The following S100A13 variants were observed in gnomAD, a reference collection of about 807,000 sequenced individuals.
The protein encoded by S100A13 is S100 calcium binding protein A13, also known as protein S100-A13.
S100A13 carries 6 observed loss-of-function variants against 8.2 expected under a neutral mutation model. The ratio of observed to expected loss-of-function variants is 0.73; its 90% confidence interval spans 0.40 to 1.44. The LOEUF is 1.44. Among genes scored for constraint, S100A13 ranks in the 40% most tolerant of loss-of-function variants. The pLI is 0.02. For synonymous variants in S100A13, 39 were observed against 45.9 expected, an observed-to-expected ratio of 0.85 and a Z score of 0.61; for missense variants, 114 against 113.6, an observed-to-expected ratio of 1.00 and a Z score of -0.02.
chr1:153,619,783 C>G (rs553088160), intron 2 of S100A13, among the ~76,000 whole-genome samples: 1 of 152,106 alleles, frequency 6.6e-6, no homozygotes, highest in Non-Finnish European at 1.5e-5. Flanking sequence ...AGGTTTGAAC[C>G]AACATTTGGA....
chr1:153,631,304 A>G (rs531217036), upstream of S100A13: 231 of 708,112 alleles, frequency 3.3e-4, 1 homozygote, highest in East Asian at 6.2e-3. Context: ...CAGCCCTGCT[A>G]CTTTCTAGCT....
Position 153,626,414 on chromosome 1 carries a change from A to G in S100A13, c.59T>C (p.Phe20Ser). 6.2e-7 allele frequency: 1 copy of G among 1,614,198 alleles called. No homozygotes were observed. Among genetic ancestry groups the G allele is most frequent in the Middle Eastern group, 1.6e-4 (1 of 6,062 alleles). The change falls in exon 2 of 3, where the codon TTC (phenylalanine) becomes TCC (serine). Residue 20 changes from phenylalanine to serine, a missense_variant. Phe to Ser is a radical substitution (Grantham distance 155). Coordinates refer to ENST00000476133, the MANE Select transcript of S100A13 (RefSeq NM_001024211.2). ...GCCCTCCTGCCTTGCAAAGGTGAAG[A>G]AGGTGGTGACCACGGTCTCAATGGA... Reference protein sequence around the residue: ...EESIETVVTTFFTFARQEGRK... With the variant: ...EESIETVVTTSFTFARQEGRK...
At chr1:153,632,245 A>G (rs1001120163), upstream of S100A13, 3 of 161,528 alleles carry the variant, frequency 1.9e-5, no homozygotes, top group African/African-American at 4.8e-5. Flanking sequence ...TCTCAACTAT[A>G]AAACCAGAGG....
upstream of S100A13, chr1:153,628,271 GA>G: frequency 1.3e-6 from 2 of 1,523,506 alleles, no homozygotes; most frequent in Non-Finnish European, 1.8e-6. Context: ...GCAAGGCTGG[GA>G]AAGAGACAAG....
chr1:153,621,858 G>A (rs1183282829), intron 2 of S100A13, among the ~76,000 whole-genome samples: 2 of 149,324 alleles, frequency 1.3e-5, no homozygotes, highest in Non-Finnish European at 3.0e-5. Context: ...GTGAGACCTC[G>A]TCTCAAAAAA....
upstream of S100A13, chr1:153,631,444 T>C (rs553900694): frequency 1.3e-6 from 2 of 1,559,542 alleles, no homozygotes; most frequent in Non-Finnish European, 1.7e-6. Context: ...AAGCTCCTAG[T>C]GTAGTGCTTG....
upstream of S100A13, chr1:153,632,274 T>G (rs1668062419): frequency 6.9e-6 from 1 of 144,640 alleles, no homozygotes; most frequent in East Asian, 2.0e-4. Context: ...ATCTTTTTTT[T>G]TTTTTTTTTT....
chr1:153,631,851 C>A, upstream of S100A13: 1 of 1,612,792 alleles, frequency 6.2e-7, no homozygotes, highest in Non-Finnish European at 8.5e-7. Flanking sequence ...AGCAGACAGC[C>A]ACATTGGGCA....
chr1:153,622,778 C>T (rs537831969), intron 2 of S100A13, among the ~76,000 whole-genome samples: 76 of 152,344 alleles, frequency 5.0e-4, no homozygotes, highest in African/African-American at 1.7e-3. Context: ...GGGTCCAGTC[C>T]TGTCTTGGGG....
chr1:153,628,633 G>A, upstream of S100A13: 1 of 1,397,640 alleles, frequency 7.2e-7, no homozygotes. Context: ...CAGGGTGAGG[G>A]CAGTTTGGGA....
upstream of S100A13, chr1:153,631,440 C>CTAG: frequency 6.4e-7 from 1 of 1,553,652 alleles, no homozygotes; most frequent in South Asian, 1.2e-5. Context: ...TGTAAAGCTC[C>CTAG]TAGTGTAGTG....
At chr1:153,632,040 T>C (rs1668045757), upstream of S100A13, 4 of 601,404 alleles carry the variant, frequency 6.7e-6, no homozygotes, top group East Asian at 8.6e-5. Flanking sequence ...TCACCAGCCA[T>C]CCGATGTCTG....
At chr1:153,628,311 G>C, upstream of S100A13, 1 of 1,512,034 alleles carries the variant, frequency 6.6e-7, no homozygotes, top group Non-Finnish European at 8.9e-7. Context: ...AGGAGACAGA[G>C]GGCGCCTCTG....
chr1:153,631,497 T>C, upstream of S100A13: 1 of 1,610,078 alleles, frequency 6.2e-7, no homozygotes, highest in Non-Finnish European at 8.5e-7. Flanking sequence ...GTGTCATTAT[T>C]ATTCATTCTG....
intron 2 of S100A13, among the ~76,000 whole-genome samples, chr1:153,624,361 T>C (rs747847265): frequency 6.6e-6 from 1 of 151,662 alleles, no homozygotes. Context: ...GAAGCAGTGA[T>C]GAGAAGAAAA....
chr1:153,624,054 G>A (rs1320150757), intron 2 of S100A13, among the ~76,000 whole-genome samples: 1 of 152,132 alleles, frequency 6.6e-6, no homozygotes, highest in Non-Finnish European at 1.5e-5. Context: ...AAAGTGAGAG[G>A]GTCGAGAGAC....
intron 2 of S100A13, among the ~76,000 whole-genome samples, chr1:153,625,111 G>A (rs531107986): frequency 3.3e-5 from 5 of 152,244 alleles, no homozygotes; most frequent in East Asian, 1.9e-4. Context: ...TGTGGCATGC[G>A]CCTGTGGTCC....
intron 2 of S100A13, among the ~76,000 whole-genome samples, chr1:153,620,615 A>C (rs1214330908): frequency 6.6e-6 from 1 of 152,228 alleles, no homozygotes; most frequent in Non-Finnish European, 1.5e-5. Flanking sequence ...AGCAAAACTT[A>C]AATTTTGCCC....
intron 2 of S100A13, 47 bp from the exon 3 acceptor site, chr1:153,619,085 T>G: frequency 1.9e-6 from 3 of 1,570,552 alleles, no homozygotes; most frequent in Non-Finnish European, 2.6e-6. Flanking sequence ...CTGGGGTTCT[T>G]GAGAAAGTAG....
Sources: gnomAD v4.1 joint callset for allele counts (sites outside exome capture counted in the v4.1 genomes callset) on GRCh38, gnomAD v4.1.1 for gene constraint, MANE v1.5 for transcripts, NCBI Gene and HGNC (gene_info 2026-07-23, HGNC 2026-07-21) for gene names.